Variants in NHS observed in about 807,000 individuals in gnomAD.
NHS encodes the protein actin remodeling regulator NHS.
A neutral mutation model predicts 72.5 loss-of-function variants in NHS; 5 were observed. The ratio of observed to expected loss-of-function variants is 0.07; its 90% confidence interval spans 0.04 to 0.14. NHS has a LOEUF of 0.14. Ranked by LOEUF, NHS falls within the 10% of genes least tolerant of loss-of-function variation. The pLI is 1.00. For synonymous variants in NHS, 464 were observed against 547.7 expected, an observed-to-expected ratio of 0.85 and a Z score of 2.13; for missense variants, 1,072 against 1,355.7, an observed-to-expected ratio of 0.79 and a Z score of 3.29.
In NHS at chrX:17,493,246, G is replaced by A. The variant is rs1223451202; in HGVS notation, c.565+116924G>A. Reference sequence around the variant, plus strand: ...ACTTTGACTTATACATAGTAGGTGGGCCATTACGTATTTGTGGATTGCTGA... The same window carrying A: ...ACTTTGACTTATACATAGTAGGTGGACCATTACGTATTTGTGGATTGCTGA... On this transcript the variant is annotated intron_variant, in intron 1 of 8. Coordinates refer to ENST00000676302, the MANE Select transcript of NHS (RefSeq NM_001291867.2). Among the ~76,000 whole-genome samples the A allele has an allele frequency of 9.9e-5, 11 of 111,466 alleles. No individual in the cohort carries two copies. In the East Asian group the frequency reaches 3.1e-3, roughly 31 times the overall value.
rs754277565 is a variant in NHS, at chrX:17,491,001, C to T, written c.565+114679C>T. 2.7e-5 allele frequency among the ~76,000 whole-genome samples: 3 copies of T among 112,147 alleles called. No individual in the cohort carries two copies. The South Asian group carries it at 1.1e-3, about 42-fold the overall frequency. ...GTATCCTGAGACTTTGCTGAAGTTGCTTATCTACTTAAGGAGATTTTGGGT... is the reference window on the plus strand; with the variant it reads ...GTATCCTGAGACTTTGCTGAAGTTGTTTATCTACTTAAGGAGATTTTGGGT... On this transcript the variant is annotated intron_variant, in intron 1 of 8. Transcript: ENST00000676302.
chrX:17,682,779 C>A (rs949852656), intron 1 of NHS, among the ~76,000 whole-genome samples: 5 of 110,721 alleles, frequency 4.5e-5, no homozygotes, highest in Non-Finnish European at 9.5e-5. Context: ...CTCCCGGGGG[C>A]ATAAAGCTGT....
intron 1 of NHS, among the ~76,000 whole-genome samples, chrX:17,531,613 G>T (rs2065199105): frequency 8.9e-6 from 1 of 112,855 alleles, no homozygotes; most frequent in South Asian, 3.6e-4. Flanking sequence ...TGACACCATT[G>T]GTCGTAGCCT....
intron 1 of NHS, among the ~76,000 whole-genome samples, chrX:17,384,459 T>A: frequency 8.9e-6 from 1 of 112,534 alleles, no homozygotes; most frequent in African/African-American, 3.2e-5. Context: ...CTTTTCTTGT[T>A]ATACTGGATT....
In NHS at chrX:17,725,652, G is replaced by A; in HGVS notation, c.1546G>A (p.Asp516Asn). The change falls in exon 7 of 9, where the codon GAT (aspartate) becomes AAT (asparagine). Residue 516 changes from aspartate (D) to asparagine (N), a missense_variant. By Grantham distance (23) the Asp-to-Asn change is conservative. Transcript: ENST00000676302. ...TCCCCGGGAAGGTAATAGAGGTGGG[G>A]ATGCTGAGCCCAAAGTTGGCGCTAA... ...SLPREGNRGG[D>N]AEPKVGAKPS... 8.3e-7 allele frequency: 1 copy of A among 1,211,624 alleles called. No individual in the cohort carries two copies. The highest frequency in any genetic ancestry group is 1.8e-5 in the South Asian group (1 of 56,957).
intron 1 of NHS, among the ~76,000 whole-genome samples, chrX:17,575,847 C>T (rs1482737101): frequency 9.0e-6 from 1 of 111,694 alleles, no homozygotes; most frequent in South Asian, 3.7e-4. Context: ...GGCTCAGCTC[C>T]TCTGACTTCT....
intron 1 of NHS, among the ~76,000 whole-genome samples, chrX:17,491,819 G>A (rs1314041506): frequency 1.2e-5 from 1 of 81,659 alleles, no homozygotes; most frequent in African/African-American, 4.8e-5. Context: ...ACTTGTTATT[G>A]TTCTATTCAG....
intron 1 of NHS, among the ~76,000 whole-genome samples, chrX:17,379,839 G>A (rs1391591242): frequency 8.9e-6 from 1 of 112,255 alleles, no homozygotes; most frequent in African/African-American, 3.2e-5. Context: ...GGGAAGGCTA[G>A]TGGGAGAGTG....
At chrX:17,636,174 C>T (rs2065845833) in intron 1 of NHS, among the ~76,000 whole-genome samples, 1 of 111,795 alleles carries the variant, frequency 8.9e-6, no homozygotes. Flanking sequence ...TGTTTATCTC[C>T]CAGTGTCCCC....
intron 1 of NHS, among the ~76,000 whole-genome samples, chrX:17,668,175 T>G (rs961267592): frequency 2.7e-5 from 3 of 109,454 alleles, no homozygotes; most frequent in African/African-American, 1.0e-4. Context: ...GCGGGAGGAC[T>G]GCTTGGGCCC....
At chrX:17,444,062 G>A (rs981263793) in intron 1 of NHS, among the ~76,000 whole-genome samples, 4 of 111,506 alleles carry the variant, frequency 3.6e-5, no homozygotes, top group African/African-American at 1.3e-4. Flanking sequence ...CTCTGACTTG[G>A]TGTTCCAGAA....
chrX:17,672,298 C>T (rs893843882), intron 1 of NHS, among the ~76,000 whole-genome samples: 20 of 111,635 alleles, frequency 1.8e-4, no homozygotes, highest in South Asian at 3.8e-4. Context: ...AATCTACTGT[C>T]TTCAGTAGAT....
At chrX:17,706,409 A>G (rs2147125704) in intron 3 of NHS, among the ~76,000 whole-genome samples, 1 of 111,166 alleles carries the variant, frequency 9.0e-6, no homozygotes, top group Non-Finnish European at 1.9e-5. Flanking sequence ...CTTTTCCATT[A>G]GGAAAAGATG....
At chrX:17,653,548 A>G (rs781612495) in intron 1 of NHS, among the ~76,000 whole-genome samples, 1 of 110,880 alleles carries the variant, frequency 9.0e-6, no homozygotes, top group African/African-American at 3.3e-5. Flanking sequence ...GTAAAGATCA[A>G]TACAAAGGAG....
intron 1 of NHS, among the ~76,000 whole-genome samples, chrX:17,641,902 G>A (rs1286726593): frequency 8.9e-6 from 1 of 111,947 alleles, no homozygotes; most frequent in Non-Finnish European, 1.9e-5. Context: ...TTGATGAATT[G>A]GTAGAAATGT....
At position 17,395,655 on chromosome X, in the gene NHS, C is replaced by A. The variant is rs1452586006; in HGVS notation, c.565+19333C>A. On this transcript the variant is annotated intron_variant, in intron 1 of 8. Coordinates refer to ENST00000676302, the MANE Select transcript of NHS (RefSeq NM_001291867.2). ...CATTTTTTTCATTTATTCAGATAGG[C>A]CAAGATGAAAAAATGATAATGGTCA... 4.5e-5 allele frequency among the ~76,000 whole-genome samples: 5 copies of A among 110,945 alleles called. No individual in the cohort carries two copies. In the South Asian group the frequency reaches 1.1e-3, roughly 25 times the overall value.
intron 1 of NHS, among the ~76,000 whole-genome samples, chrX:17,449,193 C>G (rs2064795502): frequency 8.8e-6 from 1 of 113,420 alleles, no homozygotes; most frequent in African/African-American, 3.2e-5. Flanking sequence ...CCAGATAAAG[C>G]TGAATCTTGT....
At chrX:17,541,275 T>C (rs917667566) in intron 1 of NHS, among the ~76,000 whole-genome samples, 1 of 112,047 alleles carries the variant, frequency 8.9e-6, no homozygotes, top group African/African-American at 3.2e-5. Context: ...CAAACTCAGA[T>C]AGTCTGACTT....
At chrX:17,608,688 G>C (rs746698230) in intron 1 of NHS, among the ~76,000 whole-genome samples, 1 of 109,770 alleles carries the variant, frequency 9.1e-6, no homozygotes, top group Non-Finnish European at 1.9e-5. Context: ...TTTTTTTTGG[G>C]GGGATATAAG....
Sources: allele counts gnomAD v4.1 joint callset (sites outside exome capture counted in the v4.1 genomes callset), GRCh38; gene constraint gnomAD v4.1.1; transcripts MANE v1.5; gene names NCBI Gene and HGNC (gene_info 2026-07-23, HGNC 2026-07-21).